Variants in RBFOX1 observed in about 807,000 individuals in gnomAD.
The protein encoded by RBFOX1 is RNA binding protein fox-1 homolog 1.
A neutral mutation model predicts 57.7 loss-of-function variants in RBFOX1; 8 were observed. That is an observed-to-expected ratio of 0.14 (90% CI 0.08 to 0.25). RBFOX1 has a LOEUF of 0.25. Among genes scored for constraint, RBFOX1 ranks in the 10% least tolerant of loss-of-function variants. The probability of loss-of-function intolerance (pLI) is 1.00; values close to 1 mark genes in which losing one functional copy is unlikely to be tolerated. For synonymous variants in RBFOX1, 326 were observed against 222.4 expected, an observed-to-expected ratio of 1.47 and a Z score of -4.15; for missense variants, 611 against 548.5, an observed-to-expected ratio of 1.11 and a Z score of -1.14.
At position 6,759,437 on chromosome 16, in the gene RBFOX1, T is replaced by G. The variant is rs78691748; in HGVS notation, c.-16+104787T>G. Among the ~76,000 whole-genome samples, 508 of 151,800 alleles carry G rather than the reference T, an allele frequency of 3.3e-3. 5 individuals carry two copies. The highest frequency in any genetic ancestry group is 0.011 in the African/African-American group (455 of 41,306). On this transcript the variant is annotated intron_variant, in intron 3 of 15. Transcript: ENST00000550418. Reference sequence around the variant, plus strand: ...TAGTGCTGGGACCCAATTAATTCTTTAGTCAACCAACTTCATTTCTTGATA... The same window carrying G: ...TAGTGCTGGGACCCAATTAATTCTTGAGTCAACCAACTTCATTTCTTGATA...
At chr16:6,637,430 T>TATATTA (rs1555636558) in intron 2 of RBFOX1, among the ~76,000 whole-genome samples, 726 of 23,024 alleles carry the variant, frequency 0.032, 11 homozygotes, top group Non-Finnish European at 0.047. Flanking sequence ...TATAAATATA[T>TATATTA]TATATAAATA....
chr16:7,378,197 T>C (rs988182008), intron 4 of RBFOX1, among the ~76,000 whole-genome samples: 5 of 152,188 alleles, frequency 3.3e-5, no homozygotes, highest in East Asian at 1.9e-4. Flanking sequence ...GAAGTTGTTA[T>C]GTTATGCAGG....
At chr16:5,698,307 C>G (rs908440537) in intron 3 of RBFOX1, among the ~76,000 whole-genome samples, 1 of 152,116 alleles carries the variant, frequency 6.6e-6, no homozygotes, top group East Asian at 1.9e-4. Context: ...AGAAAGTTAT[C>G]TTTTCCTTGA....
At chr16:6,563,311 C>T (rs1456921873) in intron 2 of RBFOX1, among the ~76,000 whole-genome samples, 2 of 152,162 alleles carry the variant, frequency 1.3e-5, no homozygotes, top group East Asian at 3.9e-4. Context: ...TGAGAGCTTA[C>T]AATGGGCCAG....
At chr16:6,470,157 G>C (rs2095141444) in intron 2 of RBFOX1, among the ~76,000 whole-genome samples, 1 of 152,174 alleles carries the variant, frequency 6.6e-6, no homozygotes. Context: ...ACTGCCTCTA[G>C]TTGAAATTCC....
chr16:5,620,207 A>G (rs1248684766), intron 3 of RBFOX1, among the ~76,000 whole-genome samples: 1 of 152,138 alleles, frequency 6.6e-6, no homozygotes, highest in African/African-American at 2.4e-5. Context: ...TCCCAGGATC[A>G]TCAGTCCTGG....
intron 2 of RBFOX1, among the ~76,000 whole-genome samples, chr16:6,593,009 A>G (rs11077051): frequency 0.93 from 140,872 of 152,132 alleles, 66,223 homozygotes; most frequent in East Asian, 1. Context: ...CCCGGCCAAC[A>G]TGGTAAAACC....
intron 4 of RBFOX1, among the ~76,000 whole-genome samples, chr16:7,443,221 A>G (rs894329513): frequency 1.3e-5 from 2 of 152,054 alleles, no homozygotes; most frequent in Non-Finnish European, 2.9e-5. Context: ...TTTAAATATT[A>G]AAAGCTGCCA....
intron 3 of RBFOX1, among the ~76,000 whole-genome samples, chr16:6,703,070 T>C (rs1230934124): frequency 2.6e-5 from 4 of 152,212 alleles, no homozygotes; most frequent in Non-Finnish European, 5.9e-5. Context: ...GTTTATGTTG[T>C]AGTGTGTTAT....
intron 3 of RBFOX1, among the ~76,000 whole-genome samples, chr16:6,696,282 C>T (rs190699659): frequency 4.6e-5 from 7 of 152,266 alleles, no homozygotes; most frequent in African/African-American, 1.7e-4. Context: ...TTAAACTTAT[C>T]TCCAAACTAA....
intron 1 of RBFOX1, among the ~76,000 whole-genome samples, chr16:6,192,680 G>C (rs184779405): frequency 6.6e-6 from 1 of 152,266 alleles, no homozygotes; most frequent in East Asian, 1.9e-4. Context: ...ATGTGCTCTA[G>C]ACGCTCTGTG....
chr16:7,160,401 T>A (rs976141368), intron 4 of RBFOX1, among the ~76,000 whole-genome samples: 2 of 152,052 alleles, frequency 1.3e-5, no homozygotes, highest in Admixed American at 1.3e-4. Context: ...ACTTTTCATC[T>A]TCTTCCTCCT....
At chr16:7,599,378 A>G (rs572301823) in intron 9 of RBFOX1, among the ~76,000 whole-genome samples, 37 of 152,356 alleles carry the variant, frequency 2.4e-4, no homozygotes, top group African/African-American at 7.7e-4. Context: ...AATATTTCAT[A>G]AGCCATGTGC....
intron 3 of RBFOX1, among the ~76,000 whole-genome samples, chr16:7,006,921 G>A (rs9924105): frequency 3.5e-4 from 53 of 152,222 alleles, no homozygotes; most frequent in African/African-American, 8.4e-4. Context: ...TGGACGCACC[G>A]TCTTGTCTCT....
At position 7,661,595 on chromosome 16, in the gene RBFOX1, C is replaced by T. The variant is rs568414874; in HGVS notation, c.891-3334C>T. On this transcript the variant is annotated intron_variant, in intron 12 of 15. Coordinates refer to ENST00000550418, the MANE Select transcript of RBFOX1 (RefSeq NM_018723.4). ...CTGTCTCCTGCAGTATCTATCTCAG[C>T]TGTGATTCTACAGTTTTATGCATAA... is the stretch of plus-strand genomic sequence containing the variant. Among the ~76,000 whole-genome samples the T allele has an allele frequency of 3.9e-5, 6 of 152,328 alleles. No individual in the cohort carries two copies. In the South Asian group the frequency reaches 1.2e-3, roughly 32 times the overall value.
intron 2 of RBFOX1, among the ~76,000 whole-genome samples, chr16:6,571,830 TGA>T (rs1285099160): frequency 2.0e-5 from 3 of 152,068 alleles, no homozygotes; most frequent in African/African-American, 7.3e-5. Flanking sequence ...TGTAAAAATA[TGA>T]GTCATTATCA....
chr16:7,251,447 G>A (rs1047829742), intron 4 of RBFOX1, among the ~76,000 whole-genome samples: 3 of 118,698 alleles, frequency 2.5e-5, no homozygotes, highest in Non-Finnish European at 5.1e-5. Context: ...TTTTGTTCTT[G>A]TTGCCCAGGC....
chr16:6,659,806 T>A (rs953738702), intron 3 of RBFOX1, among the ~76,000 whole-genome samples: 6 of 152,278 alleles, frequency 3.9e-5, no homozygotes, highest in African/African-American at 1.2e-4. Context: ...TCAGATGTCT[T>A]CTGGCTTTGA....
At chr16:7,415,786 G>GTA (rs34254186) in intron 4 of RBFOX1, among the ~76,000 whole-genome samples, 22 of 151,640 alleles carry the variant, frequency 1.5e-4, no homozygotes, top group Middle Eastern at 6.8e-3. Flanking sequence ...GAAAATAAGA[G>GTA]TATATATATA....
Sources: gnomAD v4.1 joint callset for allele counts (sites outside exome capture counted in the v4.1 genomes callset) on GRCh38, gnomAD v4.1.1 for gene constraint, MANE v1.5 for transcripts, NCBI Gene and HGNC (gene_info 2026-07-23, HGNC 2026-07-21) for gene names.